Variants in MTIF2 observed in about 807,000 individuals in gnomAD.
The protein encoded by MTIF2 is translation initiation factor IF-2, mitochondrial.
Under a neutral mutation model 83.5 loss-of-function variants are expected in MTIF2, and 71 were observed. That is an observed-to-expected ratio of 0.85 (90% confidence interval 0.70 to 1.04). The LOEUF is 1.04. Among genes scored for constraint, MTIF2 ranks in the 50% least tolerant of loss-of-function variants. The pLI, the probability that MTIF2 is intolerant of heterozygous loss-of-function variation, is 0.00. For missense variants in MTIF2, 957 were observed against 846.5 expected, an observed-to-expected ratio of 1.13 and a Z score of -1.62; for synonymous variants, 319 against 287.1, an observed-to-expected ratio of 1.11 and a Z score of -1.12.
intron 14 of MTIF2, among the ~76,000 whole-genome samples, chr2:55,239,365 G>C (rs907453437): frequency 2.6e-5 from 4 of 152,114 alleles, no homozygotes; most frequent in African/African-American, 9.7e-5. Flanking sequence ...CGTGTGCATG[G>C]AGCAGGACAA....
chr2:55,243,258 G>A (rs750642583), intron 12 of MTIF2, among the ~76,000 whole-genome samples, 158 bp downstream of exon 12: 57 of 151,962 alleles, frequency 3.8e-4, no homozygotes, highest in Non-Finnish European at 6.3e-4. Flanking sequence ...TGAGCCAAAC[G>A]TACATTTACA....
In MTIF2 at chr2:55,262,297, G is replaced by C. The variant is rs1678064507; in HGVS notation, c.331+19C>G. ...TTCCAACATTCCCATATTTTGCTTT[G>C]TAAAAATATCTGACTCACCTGTGTT... is the stretch of plus-strand genomic sequence containing the variant. On this transcript the variant is annotated intron_variant, in intron 5 of 15. Transcript: ENST00000263629. 6.4e-7 allele frequency: 1 copy of C among 1,556,112 alleles called. No individual in the cohort carries two copies. The highest frequency in any genetic ancestry group is 1.4e-5 in the African/African-American group (1 of 73,636).
At chr2:55,255,421 T>A (rs1677436267) in intron 5 of MTIF2, among the ~76,000 whole-genome samples, 1 of 143,222 alleles carries the variant, frequency 7.0e-6, no homozygotes, top group East Asian at 2.0e-4. Flanking sequence ...TATTTATATA[T>A]CTCAATATGA....
At chr2:55,255,432 T>C (rs1200358681) in intron 5 of MTIF2, among the ~76,000 whole-genome samples, 1 of 144,286 alleles carries the variant, frequency 6.9e-6, no homozygotes, top group Admixed American at 7.3e-5. Context: ...CTCAATATGA[T>C]ATATTATGTA....
intron 6 of MTIF2, among the ~76,000 whole-genome samples, chr2:55,254,406 T>C (rs1029019917): frequency 6.6e-6 from 1 of 152,148 alleles, no homozygotes; most frequent in Non-Finnish European, 1.5e-5. Context: ...TTCATAACAA[T>C]GAGCAGAACT....
chr2:55,237,537 T>G (rs532561301), intron 14 of MTIF2, 109 bp from the exon 15 acceptor site: 152 of 1,034,264 alleles, frequency 1.5e-4, no homozygotes, highest in Admixed American at 1.8e-4. Flanking sequence ...AAATCCAAAT[T>G]CATGCCTAGA....
At chr2:55,249,152 C>A (rs527777008) in intron 9 of MTIF2, among the ~76,000 whole-genome samples, 18 of 152,186 alleles carry the variant, frequency 1.2e-4, no homozygotes, top group African/African-American at 4.3e-4. Flanking sequence ...TCCTAAGTAT[C>A]TCATAATAAA....
intron 13 of MTIF2, among the ~76,000 whole-genome samples, chr2:55,241,126 A>C (rs1288781847): frequency 1.3e-5 from 2 of 152,092 alleles, no homozygotes; most frequent in African/African-American, 4.8e-5. Flanking sequence ...TGAATGAAAA[A>C]AATTAACCTG....
Position 55,258,885 on chromosome 2 carries a change from CAGG to C in MTIF2, c.331+3428_331+3430del, listed in dbSNP as rs371168677. Among the ~76,000 whole-genome samples the C allele has an allele frequency of 2.4e-3, 366 of 151,170 alleles. 1 individual carries two copies. The highest frequency in any genetic ancestry group is 8.6e-3 in the African/African-American group (354 of 41,178). On this transcript the variant is annotated intron_variant, in intron 5 of 15. Transcript: ENST00000263629. ...ATCCCAGCTATTCAGGAGGCTGAAG[CAGG>C]AGAATTGCTTGAACCTGAGAGGTGG... is the stretch of plus-strand genomic sequence containing the variant.
At chr2:55,263,921 A>ATAT in intron 3 of MTIF2, 56 bp from the exon 4 acceptor site, 2 of 1,346,400 alleles carry the variant, frequency 1.5e-6, no homozygotes, top group Non-Finnish European at 1.0e-6. Flanking sequence ...GCAAATATTA[A>ATAT]TTGGATATTT....
chr2:55,264,831 T>G (rs1678308284), intron 3 of MTIF2, among the ~76,000 whole-genome samples: 1 of 152,176 alleles, frequency 6.6e-6, no homozygotes, highest in Non-Finnish European at 1.5e-5. Context: ...ACAGAACTCA[T>G]TAGTAATATA....
chr2:55,257,666 C>A (rs1677648217), intron 5 of MTIF2, among the ~76,000 whole-genome samples: 1 of 152,164 alleles, frequency 6.6e-6, no homozygotes, highest in African/African-American at 2.4e-5. Flanking sequence ...AAGCTACCAA[C>A]ATAAAGTCAC....
At chr2:55,238,641 T>C (rs979974951) in intron 14 of MTIF2, among the ~76,000 whole-genome samples, 2 of 152,164 alleles carry the variant, frequency 1.3e-5, no homozygotes, top group Admixed American at 6.5e-5. Context: ...TCCGCCCGCC[T>C]CGACCTCCCA....
chr2:55,238,158 A>G (rs1045357575), intron 14 of MTIF2, among the ~76,000 whole-genome samples: 1 of 150,660 alleles, frequency 6.6e-6, no homozygotes, highest in Non-Finnish European at 1.5e-5. Context: ...GTTCTTCTAG[A>G]TAGCTAAGAC....
chr2:55,268,833 A>C (rs1678625128), intron 1 of MTIF2, 94 bp from the exon 2 acceptor site: 1 of 152,218 alleles, frequency 6.6e-6, no homozygotes, highest in African/African-American at 2.4e-5. Flanking sequence ...GGTAAAAATA[A>C]ATCACTGCAG....
intron 14 of MTIF2, among the ~76,000 whole-genome samples, chr2:55,238,682 T>C (rs1676076204): frequency 6.6e-6 from 1 of 152,138 alleles, no homozygotes; most frequent in African/African-American, 2.4e-5. Context: ...TGAGCCACCA[T>C]GCCCGGCCGA....
chr2:55,236,789 A>ATCTT lies in MTIF2; in HGVS notation c.2039_2042dup (p.Asp681GlufsTer3). 6.2e-7 allele frequency: 1 copy of ATCTT among 1,607,218 alleles called. No homozygotes were observed. Among genetic ancestry groups the ATCTT allele is most frequent in the Non-Finnish European group, 8.5e-7 (1 of 1,178,392 alleles). ...TTCCCGTTTTGACAATTGAAATGTC[A>ATCTT]TCTTTATGGTGTTTCAATGAGGTTA... On this transcript the variant is annotated frameshift_variant, in exon 16 of 16. Transcript: ENST00000263629. LOFTEE classifies it high-confidence loss of function.
rs915557293 is a variant in MTIF2, at chr2:55,268,751, A to G, written c.-236-12T>C. On this transcript the variant is annotated splice_polypyrimidine_tract_variant and intron_variant, in intron 1 of 15. Transcript: ENST00000263629. ...CCTTGTCAAGGAATCTGAAAAAAGT[A>G]TGTTGCAAATACGTAGTTGCGTTAG... The G allele has an allele frequency of 2.6e-5, 4 of 152,214 alleles. No individual in the cohort carries two copies. The highest frequency in any genetic ancestry group is 2.0e-4 in the Admixed American group (3 of 15,278). The allele number at this position is 152,214 out of a possible 1,614,324, so 9.4% of individuals were successfully genotyped here.
chr2:55,254,253 T>C (rs1405818954), intron 6 of MTIF2, 52 bp from the exon 7 acceptor site: 3 of 1,578,486 alleles, frequency 1.9e-6, no homozygotes, highest in Non-Finnish European at 8.6e-7. Context: ...AAATACTTTA[T>C]AGCCTGTGAA....
Sources: allele counts gnomAD v4.1 joint callset (sites outside exome capture counted in the v4.1 genomes callset), GRCh38; gene constraint gnomAD v4.1.1; transcripts MANE v1.5; gene names NCBI Gene and HGNC (gene_info 2026-07-23, HGNC 2026-07-21).